Variants in HMGXB4 observed in about 807,000 individuals in gnomAD.
HMGXB4 encodes the protein HMG-box containing 4.
Under a neutral mutation model 63.9 loss-of-function variants are expected in HMGXB4, and 27 were observed. The ratio of observed to expected loss-of-function variants is 0.42; its 90% CI spans 0.31 to 0.58. The LOEUF is 0.58. HMGXB4 is among the 20% of genes least tolerant of loss of function. HMGXB4 has a pLI of 0.13. For synonymous variants in HMGXB4, 264 were observed against 265.3 expected (o/e 0.99, Z 0.05); for missense variants, 624 against 700.7 (o/e 0.89, Z 1.24).
At chr22:35,272,221 A>T (rs927059735) in intron 5 of HMGXB4, among the ~76,000 whole-genome samples, 1 of 152,200 alleles carries the variant, frequency 6.6e-6, no homozygotes, top group Admixed American at 6.5e-5. Context: ...CAGTTTCAAG[A>T]GTAGAACAAT....
At chr22:35,258,120 G>A (rs1922567889) in intron 1 of HMGXB4, 1 of 152,264 alleles carries the variant, frequency 6.6e-6, no homozygotes, top group African/African-American at 2.4e-5. Flanking sequence ...AAACTGCCGG[G>A]AGAATCCCAC....
At position 35,282,601 on chromosome 22, in the gene HMGXB4, A is replaced by G. The variant is rs188915043; in HGVS notation, c.1216-1361A>G. On this transcript the variant is annotated intron_variant, in intron 5 of 10. Transcript: ENST00000216106. ...ATTTGTTTGTTAGATTAAGATTATT[A>G]AGTGATAACTCTTTCTTTATTTTAA... Among the ~76,000 whole-genome samples, 188 of 152,344 alleles carry G rather than the reference A, an allele frequency of 1.2e-3. 1 individual carries two copies. Among genetic ancestry groups the G allele is most frequent in the African/African-American group, 4.4e-3 (183 of 41,582 alleles).
At chr22:35,284,218 A>G (rs935625377) in intron 6 of HMGXB4, among the ~76,000 whole-genome samples, 175 bp downstream of exon 6, 1 of 152,262 alleles carries the variant, frequency 6.6e-6, no homozygotes, top group African/African-American at 2.4e-5. Flanking sequence ...TGAACTTTCT[A>G]TACATATCTC....
intron 6 of HMGXB4, 125 bp downstream of exon 6, chr22:35,284,168 C>A (rs1924431817): frequency 1.0e-5 from 7 of 669,754 alleles, no homozygotes; most frequent in Non-Finnish European, 1.8e-5. Context: ...CTGCAAATCA[C>A]TTTAGATTTT....
At chr22:35,251,552 C>A in the HMGXB4 span, among the ~76,000 whole-genome samples, 1 of 152,134 alleles carries the variant, frequency 6.6e-6, no homozygotes, top group African/African-American at 2.4e-5. Flanking sequence ...CCTTGAGGAA[C>A]AGGGGAACAA....
chr22:35,263,378 G>T (rs1922991231), intron 3 of HMGXB4, 152 bp downstream of exon 3: 2 of 667,578 alleles, frequency 3.0e-6, no homozygotes, highest in Non-Finnish European at 4.9e-6. Flanking sequence ...TCGACTCCCA[G>T]GTTCAAGCGT....
At chr22:35,282,857 T>C (rs1924351140) in intron 5 of HMGXB4, among the ~76,000 whole-genome samples, 1 of 152,244 alleles carries the variant, frequency 6.6e-6, no homozygotes, top group South Asian at 2.1e-4. Flanking sequence ...TCTTTCTAGA[T>C]AGGAAAAACT....
At chr22:35,273,083 TAAAC>T (rs765032724) in intron 5 of HMGXB4, among the ~76,000 whole-genome samples, 3 of 152,210 alleles carry the variant, frequency 2.0e-5, no homozygotes, top group Non-Finnish European at 4.4e-5. Context: ...GTTGATCTAA[TAAAC>T]AAAAGTCTGA....
intron 5 of HMGXB4, among the ~76,000 whole-genome samples, chr22:35,281,085 ATACTT>A (rs1344452843): frequency 6.6e-6 from 1 of 152,230 alleles, no homozygotes; most frequent in Non-Finnish European, 1.5e-5. Flanking sequence ...GAATAGTAGA[ATACTT>A]TAATGGGTTA....
intron 5 of HMGXB4, among the ~76,000 whole-genome samples, chr22:35,270,192 T>G (rs1437981018): frequency 6.6e-6 from 1 of 152,180 alleles, no homozygotes; most frequent in Admixed American, 6.5e-5. Flanking sequence ...CATCTCTATT[T>G]ACAGCCACTC....
chr22:35,292,927 G>A, intron 9 of HMGXB4, 65 bp from the exon 10 acceptor site: 1 of 1,603,564 alleles, frequency 6.2e-7, no homozygotes, highest in Non-Finnish European at 8.5e-7. Context: ...AGTACTGTGT[G>A]AGGAAGTCAG....
chr22:35,256,591 C>T (rs935368787), upstream of HMGXB4, among the ~76,000 whole-genome samples: 38 of 152,302 alleles, frequency 2.5e-4, no homozygotes, highest in African/African-American at 6.3e-4. Context: ...TCTCCGCCTC[C>T]CGGGTTCAAG....
chr22:35,244,594 G>A, the HMGXB4 span, among the ~76,000 whole-genome samples: 1 of 152,158 alleles, frequency 6.6e-6, no homozygotes, highest in Admixed American at 6.5e-5. Context: ...GTCCAAACAA[G>A]CATTGGGTCA....
chr22:35,269,327 G>A (rs1403255510), intron 5 of HMGXB4, among the ~76,000 whole-genome samples: 2 of 152,190 alleles, frequency 1.3e-5, no homozygotes, highest in African/African-American at 2.4e-5. Context: ...GCAGTGAGCC[G>A]AGATTGTGCC....
At chr22:35,280,521 C>G (rs546159935) in intron 5 of HMGXB4, among the ~76,000 whole-genome samples, 32 of 152,190 alleles carry the variant, frequency 2.1e-4, no homozygotes, top group Non-Finnish European at 3.1e-4. Flanking sequence ...TGTGGGCCAT[C>G]ATCATTCATC....
rs41282603 is a variant in HMGXB4 at position 35,264,946 on chromosome 22, G to A, written c.558G>A (p.Glu186=). ...ACACAGAGACACTGACCCTTCGGGA[G>A]CCTGATGGTTTAAAAATGAAACTTA... ...YVNTETLTLR[E]PDGLKMKLIL... The change falls in exon 5 of 11, where the codon GAG becomes GAA. Residue 186 remains glutamate, a synonymous_variant. Coordinates refer to ENST00000216106, the MANE Select transcript of HMGXB4 (RefSeq NM_001003681.3). 4.3e-6 allele frequency: 7 copies of A among 1,614,182 alleles called. No individual in the cohort carries two copies. Among genetic ancestry groups the A allele is most frequent in the Middle Eastern group, 3.3e-4 (2 of 6,062 alleles).
intron 5 of HMGXB4, among the ~76,000 whole-genome samples, chr22:35,282,269 C>T (rs1342960470): frequency 6.6e-5 from 10 of 152,198 alleles, no homozygotes; most frequent in African/African-American, 1.7e-4. Flanking sequence ...CTCCACCTCC[C>T]GGGTTCACAC....
chr22:35,261,388 A>C (rs5755676), intron 1 of HMGXB4, among the ~76,000 whole-genome samples: 74,761 of 150,240 alleles, frequency 0.5, 22,112 homozygotes, highest in Non-Finnish European at 0.65. Flanking sequence ...GTGAACCAAT[A>C]TCGTGCCACT....
the HMGXB4 span, among the ~76,000 whole-genome samples, chr22:35,248,298 C>T: frequency 6.6e-6 from 1 of 151,980 alleles, no homozygotes; most frequent in East Asian, 1.9e-4. Context: ...TTACAGGAAG[C>T]ATGCTGCTGG....
Sources: gnomAD v4.1 joint callset for allele counts (sites outside exome capture counted in the v4.1 genomes callset) on GRCh38, gnomAD v4.1.1 for gene constraint, MANE v1.5 for transcripts, NCBI Gene and HGNC (gene_info 2026-07-23, HGNC 2026-07-21) for gene names.